AP2M1: variants seen among roughly 807,000 people sequenced by gnomAD.
The protein encoded by AP2M1 is adaptor related protein complex 2 subunit mu 1, also known as AP-2 complex subunit mu.
A neutral mutation model predicts 54.5 loss-of-function variants in AP2M1; 5 were observed. The observed-to-expected ratio is 0.09, with a 90% CI of 0.05 to 0.19. The LOEUF is 0.19. AP2M1 is among the 10% of genes least tolerant of loss of function. The probability of loss-of-function intolerance (pLI) is 1.00; values close to 1 mark genes in which losing one functional copy is unlikely to be tolerated. For synonymous variants in AP2M1, 186 were observed against 208.2 expected, an observed-to-expected ratio of 0.89 and a Z score of 0.92; for missense variants, 178 against 580.2, an observed-to-expected ratio of 0.31 and a Z score of 7.12.
Position 184,180,630 on chromosome 3 carries a change from C to T in AP2M1, c.424-15C>T, listed in dbSNP as rs1237706580. ...CTGCTTCATGTGGGCACCTCGTTGG[C>T]CCTGCGGCCTCCAGCATCAGGTAAG... On this transcript the variant is annotated splice_polypyrimidine_tract_variant and intron_variant, in intron 4 of 11. Coordinates refer to ENST00000292807, the MANE Select transcript of AP2M1 (RefSeq NM_004068.4). The surrounding 1 kb of genome is among the most constrained non-coding windows in gnomAD (Gnocchi z 4.9). The T allele has an allele frequency of 1.2e-6, 2 of 1,614,012 alleles. No homozygotes were observed. Among genetic ancestry groups the T allele is most frequent in the Non-Finnish European group, 1.7e-6 (2 of 1,180,054 alleles).
chr3:184,180,314 C>T lies in AP2M1; in HGVS notation c.423+63C>T. 2 of 1,572,020 alleles carry T rather than the reference C, an allele frequency of 1.3e-6. No homozygotes were observed. Among genetic ancestry groups the T allele is most frequent in the Non-Finnish European group, 1.7e-6 (2 of 1,148,168 alleles). On this transcript the variant is annotated intron_variant, in intron 4 of 11. Coordinates refer to ENST00000292807, the MANE Select transcript of AP2M1 (RefSeq NM_004068.4). This position sits in a 1 kb window ranked among gnomAD's most constrained non-coding sequence, Gnocchi z 4.9. ...CAATCTCCCTTCATCTCAGCTGGCC[C>T]CTGAGCCTTGTCTGAGCTGACTCAT...
At chr3:184,175,314 C>T (rs1353075895) in intron 1 of AP2M1, among the ~76,000 whole-genome samples, 2 of 152,100 alleles carry the variant, frequency 1.3e-5, no homozygotes, top group Non-Finnish European at 2.9e-5. Context: ...AGGACAGTGA[C>T]ACCCCTTTGT....
chr3:184,180,140 AG>A lies in AP2M1; in HGVS notation c.341-25del, dbSNP rs1195762604. 9 of 1,611,126 alleles carry A rather than the reference AG, an allele frequency of 5.6e-6. No individual in the cohort carries two copies. The highest frequency in any genetic ancestry group is 7.6e-6 in the Non-Finnish European group (9 of 1,177,520). On this transcript the variant is annotated intron_variant, in intron 3 of 11. Transcript: ENST00000292807. The surrounding 1 kb of genome is among the most constrained non-coding windows in gnomAD (Gnocchi z 4.9). ...GGGCTGGAATGAAGAAGCTCTGTCC[AG>A]GGGCTGATGGTTCCCTTCTTTTTGC...
chr3:184,180,527 C>T lies in AP2M1; in HGVS notation c.424-118C>T. The T allele has an allele frequency of 1.3e-6, 2 of 1,519,332 alleles. No homozygotes were observed. Among genetic ancestry groups the T allele is most frequent in the East Asian group, 2.3e-5 (1 of 44,386 alleles). The allele number at this position is 1,519,332 out of a possible 1,614,324, so 94.1% of individuals were successfully genotyped here. A position where few individuals can be genotyped will look rare whatever the true frequency, so the allele number is the denominator to read the frequency against. ...AGGCCTGGTCTTGAGGCCTGGTATT[C>T]CTCAGGAGGAGCGAGCTTGGGCCCT... is the stretch of plus-strand genomic sequence containing the variant. On this transcript the variant is annotated intron_variant, in intron 4 of 11. Transcript: ENST00000292807. The surrounding 1 kb of genome is among the most constrained non-coding windows in gnomAD (Gnocchi z 4.9).
chr3:184,176,101 A>C (rs1006264061), intron 1 of AP2M1, among the ~76,000 whole-genome samples: 5 of 152,238 alleles, frequency 3.3e-5, no homozygotes, highest in African/African-American at 1.2e-4. Flanking sequence ...ATAGGCACCC[A>C]GGCCAGAAAT....
rs1715277571 is a variant in AP2M1, at chr3:184,181,656, TCTC to T, written c.708-37_708-35del. The T allele has an allele frequency of 1.2e-6, 2 of 1,607,528 alleles. No homozygotes were observed. The highest frequency in any genetic ancestry group is 1.7e-6 in the Non-Finnish European group (2 of 1,176,018). ...GGTCTCCCAGCATGACAGCTGTCATTCTCCTGTACCAATGAGACCTCTTCTGCC... is the reference window on the plus strand; with the variant it reads ...GGTCTCCCAGCATGACAGCTGTCATTCTGTACCAATGAGACCTCTTCTGCC... On this transcript the variant is annotated intron_variant, in intron 7 of 11. Coordinates refer to ENST00000292807, the MANE Select transcript of AP2M1 (RefSeq NM_004068.4). This position sits in a 1 kb window ranked among gnomAD's most constrained non-coding sequence, Gnocchi z 5.7.
Position 184,183,711 on chromosome 3 carries a change from C to T in AP2M1, c.*95C>T. The stretch of plus-strand genomic sequence containing the variant: ...CACCACACATCAGTGTCTCCTCCCT[C>T]CTGCTTTGCTGCCTTCCCTTTGCAC... On this transcript the variant is annotated 3_prime_UTR_variant, in exon 12 of 12. Transcript: ENST00000292807. This position sits in a 1 kb window ranked among gnomAD's most constrained non-coding sequence, Gnocchi z 5.7. 1 of 1,411,868 alleles carries T rather than the reference C, an allele frequency of 7.1e-7. No homozygotes were observed. The highest frequency in any genetic ancestry group is 9.7e-7 in the Non-Finnish European group (1 of 1,028,470). The allele number at this position is 1,411,868 out of a possible 1,614,324, so 87.5% of individuals were successfully genotyped here.
At position 184,178,264 on chromosome 3, in the gene AP2M1, G is replaced by A. The variant is rs902808802; in HGVS notation, c.75-593G>A. 79 of 1,533,932 alleles carry A rather than the reference G, an allele frequency of 5.2e-5. No individual in the cohort carries two copies. The highest frequency in any genetic ancestry group is 6.7e-5 in the Non-Finnish European group (77 of 1,145,010). ...AGCTGCTGCCCAGGTACAGGTGGGT[G>A]GGGGCCTGCCCCCATCGTTTTCCTG... On this transcript the variant is annotated intron_variant, in intron 2 of 11. Coordinates refer to ENST00000292807, the MANE Select transcript of AP2M1 (RefSeq NM_004068.4). This position sits in a 1 kb window ranked among gnomAD's most constrained non-coding sequence, Gnocchi z 4.9.
Position 184,180,032 on chromosome 3 carries a change from G to A in AP2M1, c.341-137G>A, listed in dbSNP as rs1157678815. Reference sequence around the variant, plus strand: ...GTAAAGCACAAATCACAGAATAAATGCTACAAAGCTAGAAGACTTTCTTGC... The same window carrying A: ...GTAAAGCACAAATCACAGAATAAATACTACAAAGCTAGAAGACTTTCTTGC... On this transcript the variant is annotated intron_variant, in intron 3 of 11. Coordinates refer to ENST00000292807, the MANE Select transcript of AP2M1 (RefSeq NM_004068.4). This position sits in a 1 kb window ranked among gnomAD's most constrained non-coding sequence, Gnocchi z 4.9. 3 of 722,276 alleles carry A rather than the reference G, an allele frequency of 4.2e-6. No individual in the cohort carries two copies. The highest frequency in any genetic ancestry group is 7.0e-6 in the Non-Finnish European group (3 of 427,866). 44.7% of individuals were successfully genotyped at this position (722,276 alleles called of 1,614,324 possible).
In AP2M1 at chr3:184,181,386, G is replaced by C; in HGVS notation, c.707+160G>C. On this transcript the variant is annotated intron_variant, in intron 7 of 11. Transcript: ENST00000292807. The surrounding 1 kb of genome is among the most constrained non-coding windows in gnomAD (Gnocchi z 5.7). The stretch of plus-strand genomic sequence containing the variant: ...TTCGCTCTTGACATTAGTGCTACGA[G>C]AGATGAGGGGATCGTCCTCAGAGAG... 8.9e-7 allele frequency: 1 copy of C among 1,125,724 alleles called. No individual in the cohort carries two copies. Among genetic ancestry groups the C allele is most frequent in the South Asian group, 1.5e-5 (1 of 65,874 alleles). 69.7% of individuals were successfully genotyped at this position (1,125,724 alleles called of 1,614,324 possible).
In AP2M1 at chr3:184,182,059, G is replaced by A. The variant is rs1357675850; in HGVS notation, c.963+12G>A. On this transcript the variant is annotated intron_variant, in intron 9 of 11. Coordinates refer to ENST00000292807, the MANE Select transcript of AP2M1 (RefSeq NM_004068.4). The surrounding 1 kb of genome is among the most constrained non-coding windows in gnomAD (Gnocchi z 5.5). Reference sequence around the variant, plus strand: ...CTCAGAAGATCGAGGTGAGGACAGGGGGCTCAAGGAGGAGGAAGAACTTGT... The same window carrying A: ...CTCAGAAGATCGAGGTGAGGACAGGAGGCTCAAGGAGGAGGAAGAACTTGT... The A allele has an allele frequency of 6.2e-7, 1 of 1,612,578 alleles. No individual in the cohort carries two copies. The highest frequency in any genetic ancestry group is 8.5e-7 in the Non-Finnish European group (1 of 1,179,040).
Position 184,180,618 on chromosome 3 carries a change from G to GCA in AP2M1, c.424-25_424-24dup. 1 of 1,613,696 alleles carries GCA rather than the reference G, an allele frequency of 6.2e-7. No individual in the cohort carries two copies. Among genetic ancestry groups the GCA allele is most frequent in the Non-Finnish European group, 8.5e-7 (1 of 1,180,044 alleles). On this transcript the variant is annotated intron_variant, in intron 4 of 11. Coordinates refer to ENST00000292807, the MANE Select transcript of AP2M1 (RefSeq NM_004068.4). The surrounding 1 kb of genome is among the most constrained non-coding windows in gnomAD (Gnocchi z 4.9). ...CTGCCTCCCTTGCTGCTTCATGTGG[G>GCA]CACCTCGTTGGCCCTGCGGCCTCCA...
rs939814381 is a variant in AP2M1 at position 184,182,911 on chromosome 3, G to A, written c.1173+43G>A. 2 of 1,536,638 alleles carry A rather than the reference G, an allele frequency of 1.3e-6. No individual in the cohort carries two copies. Among genetic ancestry groups the A allele is most frequent in the African/African-American group, 2.7e-5 (2 of 73,426 alleles). On this transcript the variant is annotated intron_variant, in intron 11 of 11. Transcript: ENST00000292807. This position sits in a 1 kb window ranked among gnomAD's most constrained non-coding sequence, Gnocchi z 5.5. ...CCTAGAGTCATGCCAGGGTATGCTGGAAGACCTCTTAGAGATCATTCCGAT... is the reference window on the plus strand; with the variant it reads ...CCTAGAGTCATGCCAGGGTATGCTGAAAGACCTCTTAGAGATCATTCCGAT...
chr3:184,177,625 TG>T (rs1715118416), intron 2 of AP2M1: 1 of 1,534,606 alleles, frequency 6.5e-7, no homozygotes, highest in Admixed American at 2.0e-5. Context: ...AGGCACTCTC[TG>T]GGTCACTGTG....
At position 184,182,804 on chromosome 3, in the gene AP2M1, T is replaced by C. The variant is rs748219382; in HGVS notation, c.1109T>C (p.Ile370Thr). The C allele has an allele frequency of 3.7e-6, 6 of 1,613,992 alleles. No homozygotes were observed. Among genetic ancestry groups the C allele is most frequent in the Non-Finnish European group, 5.1e-6 (6 of 1,180,000 alleles). Residue 370 changes from isoleucine to threonine, a missense_variant, in exon 11 of 12, where the codon ATT (isoleucine) becomes ACT (threonine). This residue lies in a region of AP2M1 where 59 missense variants were observed against 176.8 expected (regional missense o/e 0.33). Coordinates refer to ENST00000292807, the MANE Select transcript of AP2M1 (RefSeq NM_004068.4). This position sits in a 1 kb window ranked among gnomAD's most constrained non-coding sequence, Gnocchi z 5.5. ...GMKESQISAE[I>T]ELLPTNDKKK... ...AAGGAATCGCAGATCAGCGCAGAGA[T>C]TGAGCTTCTGCCTACCAACGACAAG... is the stretch of plus-strand genomic sequence containing the variant.
rs560763443 is a variant in AP2M1 at position 184,180,675 on chromosome 3, C to T, written c.429+25C>T. 1.4e-5 allele frequency: 22 copies of T among 1,614,104 alleles called. 1 individual carries two copies. The South Asian group carries it at 1.5e-4, about 11-fold the overall frequency. On this transcript the variant is annotated intron_variant, in intron 5 of 11. Coordinates refer to ENST00000292807, the MANE Select transcript of AP2M1 (RefSeq NM_004068.4). The surrounding 1 kb of genome is among the most constrained non-coding windows in gnomAD (Gnocchi z 4.9). ...GGTAAGCTCTTCCCTCAGCTTCCAC[C>T]CTTGCAGCTTTGCTTTGTTTCTCCA...
chr3:184,182,953 G>A lies in AP2M1; in HGVS notation c.1173+85G>A, dbSNP rs1715322457. 8.6e-7 allele frequency: 1 copy of A among 1,160,110 alleles called. No homozygotes were observed. Among genetic ancestry groups the A allele is most frequent in the African/African-American group, 1.5e-5 (1 of 65,708 alleles). 71.9% of individuals were successfully genotyped at this position (1,160,110 alleles called of 1,614,324 possible). A position where few individuals can be genotyped will look rare whatever the true frequency, so the allele number is the denominator to read the frequency against. On this transcript the variant is annotated intron_variant, in intron 11 of 11. Transcript: ENST00000292807. The surrounding 1 kb of genome is among the most constrained non-coding windows in gnomAD (Gnocchi z 5.5). ...CATTCCGATAAACTGCTGCACCTTA[G>A]AGGTGAGGAAACTGAGGCCTAGAAA... is the stretch of plus-strand genomic sequence containing the variant.
At chr3:184,176,909 C>A (rs1389718012) in intron 1 of AP2M1, 42 bp from the exon 2 acceptor site, 9 of 1,400,606 alleles carry the variant, frequency 6.4e-6, no homozygotes, top group Non-Finnish European at 7.8e-6. Flanking sequence ...ATGTTGGCAG[C>A]GATTCTGAGG....
At position 184,178,143 on chromosome 3, in the gene AP2M1, C is replaced by A. The variant is rs535452357; in HGVS notation, c.75-714C>A. On this transcript the variant is annotated intron_variant, in intron 2 of 11. Transcript: ENST00000292807. The surrounding 1 kb of genome is among the most constrained non-coding windows in gnomAD (Gnocchi z 4.9). ...CCTCCCGGTGTGTTGTGTGTCTAAC[C>A]CTCTCTCTCGTTGCTATCACTCTCC... is the stretch of plus-strand genomic sequence containing the variant. The A allele has an allele frequency of 3.4e-6, 5 of 1,479,504 alleles. No homozygotes were observed. The African/African-American group carries it at 5.6e-5, about 16-fold the overall frequency. 91.6% of individuals were successfully genotyped at this position (1,479,504 alleles called of 1,614,324 possible).
Sources: allele counts gnomAD v4.1 joint callset (sites outside exome capture counted in the v4.1 genomes callset), GRCh38; gene constraint gnomAD v4.1.1; regional missense constraint gnomAD v4.1.1; non-coding constraint Gnocchi (gnomAD v3.1); transcripts MANE v1.5; gene names NCBI Gene and HGNC (gene_info 2026-07-23, HGNC 2026-07-21).